The following PTPRO variants were observed in gnomAD, a reference collection of about 807,000 sequenced individuals.
The protein encoded by PTPRO is receptor-type tyrosine-protein phosphatase O.
A neutral mutation model predicts 145.2 loss-of-function variants in PTPRO; 62 were observed. The observed-to-expected ratio is 0.43, with a 90% CI of 0.35 to 0.53. The LOEUF (loss-of-function observed/expected upper bound fraction) is 0.53, where lower values mean the gene tolerates loss of function less well. Among genes scored for constraint, PTPRO ranks in the 20% least tolerant of loss-of-function variants. PTPRO has a pLI of 0.01. For synonymous variants in PTPRO, 565 were observed against 514.7 expected, an observed-to-expected ratio of 1.10 and a Z score of -1.32; for missense variants, 1,345 against 1,482.7, an observed-to-expected ratio of 0.91 and a Z score of 1.53.
At chr12:15,512,644 A>G (rs1175576600) in intron 7 of PTPRO, among the ~76,000 whole-genome samples, 1 of 152,230 alleles carries the variant, frequency 6.6e-6, no homozygotes, top group African/African-American at 2.4e-5. Context: ...AAATAAAATA[A>G]TATTGCTTAG....
At chr12:15,594,315 G>T (rs182382514) in intron 25 of PTPRO, among the ~76,000 whole-genome samples, 93 of 151,742 alleles carry the variant, frequency 6.1e-4, no homozygotes, top group African/African-American at 2.2e-3. Flanking sequence ...AAATTACCTG[G>T]AATTTGCTTT....
At chr12:15,349,454 A>T (rs999626320) in intron 1 of PTPRO, among the ~76,000 whole-genome samples, 2 of 152,210 alleles carry the variant, frequency 1.3e-5, no homozygotes, top group African/African-American at 2.4e-5. Context: ...GAGGGGCAAC[A>T]CTGTATGCAG....
intron 1 of PTPRO, among the ~76,000 whole-genome samples, chr12:15,363,391 C>T (rs1938267910): frequency 6.6e-6 from 1 of 152,128 alleles, no homozygotes; most frequent in African/African-American, 2.4e-5. Flanking sequence ...ATACCTCCTT[C>T]AACTTGCTTA....
chr12:15,387,579 T>G (rs947052418), intron 1 of PTPRO, among the ~76,000 whole-genome samples: 1 of 152,202 alleles, frequency 6.6e-6, no homozygotes, highest in South Asian at 2.1e-4. Context: ...GTTTTTCCTC[T>G]ATGTCCCCTT....
intron 1 of PTPRO, among the ~76,000 whole-genome samples, chr12:15,349,093 C>T (rs1937704269): frequency 6.6e-6 from 1 of 151,908 alleles, no homozygotes; most frequent in African/African-American, 2.4e-5. Context: ...CAAGTAATAC[C>T]GATACAGTAT....
chr12:15,537,070 CAG>C (rs956726080), intron 12 of PTPRO, among the ~76,000 whole-genome samples: 8 of 152,070 alleles, frequency 5.3e-5, no homozygotes, highest in African/African-American at 1.9e-4. Flanking sequence ...ATTGGAAAGA[CAG>C]AGGTTTGATT....
intron 1 of PTPRO, among the ~76,000 whole-genome samples, chr12:15,360,650 C>T (rs1371089346): frequency 6.6e-6 from 1 of 150,934 alleles, no homozygotes. Context: ...TATATATATA[C>T]ATATAGAGAT....
chr12:15,326,556 G>C (rs1866451911), intron 1 of PTPRO, among the ~76,000 whole-genome samples: 1 of 152,170 alleles, frequency 6.6e-6, no homozygotes, highest in African/African-American at 2.4e-5. Flanking sequence ...AAAACAATAT[G>C]AGTTGTACTT....
At chr12:15,497,063 G>C (rs1198452493) in intron 2 of PTPRO, among the ~76,000 whole-genome samples, 182 bp from the exon 3 acceptor site, 1 of 152,212 alleles carries the variant, frequency 6.6e-6, no homozygotes, top group Non-Finnish European at 1.5e-5. Context: ...CATATAAAAT[G>C]TACTTTATTA....
In PTPRO at chr12:15,322,631, C is replaced by G; in HGVS notation, c.-96C>G. The G allele has an allele frequency of 9.3e-7, 1 of 1,080,302 alleles. No homozygotes were observed. The highest frequency in any genetic ancestry group is 1.4e-6 in the Non-Finnish European group (1 of 718,738). 66.9% of individuals were successfully genotyped at this position (1,080,302 alleles called of 1,614,324 possible). On this transcript the variant is annotated 5_prime_UTR_variant, in exon 1 of 27. Coordinates refer to ENST00000281171, the MANE Select transcript of PTPRO (RefSeq NM_030667.3). The surrounding 1 kb of genome is among the most constrained non-coding windows in gnomAD (Gnocchi z 6.3). The stretch of plus-strand genomic sequence containing the variant: ...GCTCGCCAGGAGCAACCTCGGCGCC[C>G]AGGGTCTGAGGCTGCAGCCCCAGTT...
intron 12 of PTPRO, among the ~76,000 whole-genome samples, chr12:15,540,486 A>G (rs1041038287): frequency 1.3e-5 from 2 of 152,252 alleles, no homozygotes; most frequent in Non-Finnish European, 2.9e-5. Flanking sequence ...GCACATTTGT[A>G]AAATGACTCA....
chr12:15,360,800 GTA>G (rs1565585465), intron 1 of PTPRO, among the ~76,000 whole-genome samples: 1 of 146,980 alleles, frequency 6.8e-6, no homozygotes, highest in Non-Finnish European at 1.5e-5. Context: ...GTATATGTGT[GTA>G]TATATACGTG....
intron 1 of PTPRO, among the ~76,000 whole-genome samples, chr12:15,455,474 C>A (rs117452771): frequency 6.6e-6 from 1 of 152,236 alleles, no homozygotes; most frequent in Non-Finnish European, 1.5e-5. Context: ...GTCTTCCGGT[C>A]CATGGTCCAT....
At chr12:15,343,459 G>A (rs1484990275) in intron 1 of PTPRO, among the ~76,000 whole-genome samples, 2 of 152,052 alleles carry the variant, frequency 1.3e-5, no homozygotes, top group Non-Finnish European at 2.9e-5. Context: ...GGCCAAGGCG[G>A]GAGGATCACT....
intron 12 of PTPRO, among the ~76,000 whole-genome samples, chr12:15,545,850 A>G (rs10846203): frequency 0.25 from 38,648 of 151,834 alleles, 5,283 homozygotes; most frequent in Middle Eastern, 0.41. Context: ...CTTGAGCAAC[A>G]TGGCAAAACT....
intron 1 of PTPRO, among the ~76,000 whole-genome samples, chr12:15,452,762 A>G (rs1941078660): frequency 1.3e-5 from 2 of 152,274 alleles, no homozygotes; most frequent in African/African-American, 4.8e-5. Flanking sequence ...TTAAAAGTCT[A>G]GGCTTTCTGC....
At chr12:15,376,103 G>A (rs1938678718) in intron 1 of PTPRO, among the ~76,000 whole-genome samples, 2 of 152,024 alleles carry the variant, frequency 1.3e-5, no homozygotes, top group African/African-American at 2.4e-5. Flanking sequence ...GAAAATCATA[G>A]CCATAAACTC....
At chr12:15,581,853 G>T in intron 23 of PTPRO, 52 bp downstream of exon 23, 1 of 1,611,822 alleles carries the variant, frequency 6.2e-7, no homozygotes, top group South Asian at 1.1e-5. Flanking sequence ...CACCTGCTGA[G>T]ACCAGTTTGG....
intron 1 of PTPRO, among the ~76,000 whole-genome samples, chr12:15,343,964 G>T (rs1867105322): frequency 6.6e-6 from 1 of 152,322 alleles, no homozygotes; most frequent in South Asian, 2.1e-4. Context: ...GATTACAGGC[G>T]TGAGCCACCG....
Sources: allele counts gnomAD v4.1 joint callset (sites outside exome capture counted in the v4.1 genomes callset), GRCh38; gene constraint gnomAD v4.1.1; non-coding constraint Gnocchi (gnomAD v3.1); transcripts MANE v1.5; gene names NCBI Gene and HGNC (gene_info 2026-07-23, HGNC 2026-07-21).